AFF1: variants seen among roughly 807,000 people sequenced by gnomAD.
AFF1 encodes ALF transcription elongation factor 1, also known as AF4/FMR2 family member 1.
A neutral mutation model predicts 121.7 loss-of-function variants in AFF1; 48 were observed. That is an observed-to-expected ratio of 0.39 (90% confidence interval 0.31 to 0.50). AFF1 has a LOEUF of 0.50. Among genes scored for constraint, AFF1 ranks in the 20% least tolerant of loss-of-function variants. AFF1 has a pLI of 0.76. For missense variants in AFF1, 1,523 were observed against 1,511.7 expected (o/e 1.01, Z -0.12); for synonymous variants, 613 against 563.0 (o/e 1.09, Z -1.26).
chr4:86,995,662 C>CA (rs1351062845), intron 2 of AFF1, among the ~76,000 whole-genome samples: 4 of 150,978 alleles, frequency 2.6e-5, no homozygotes, highest in Admixed American at 6.6e-5. Context: ...CGGCTCGCTA[C>CA]AACCTCCACC....
chr4:87,005,904 A>G (rs755002104), intron 2 of AFF1, among the ~76,000 whole-genome samples: 2 of 152,230 alleles, frequency 1.3e-5, no homozygotes, highest in Non-Finnish European at 2.9e-5. Flanking sequence ...CAGTTTCCCC[A>G]TAATTGCTTT....
At chr4:86,965,505 C>CCT (rs1021187211) in intron 2 of AFF1, among the ~76,000 whole-genome samples, 1 of 152,136 alleles carries the variant, frequency 6.6e-6, no homozygotes, top group Admixed American at 6.5e-5. Flanking sequence ...GGGAATTCCC[C>CCT]CTCTTCATTT....
rs1184205241 is a variant in AFF1 at position 86,936,932 on chromosome 4, A to AT, written c.-37+1697dup. ...TAGAGAAACTCACTGGAATTAAGCC[A>AT]TTTTTATGGAGAGAAAGAACCAAGG... is the stretch of plus-strand genomic sequence containing the variant. On this transcript the variant is annotated intron_variant, in intron 1 of 20. Transcript: ENST00000395146. Among the ~76,000 whole-genome samples the AT allele has an allele frequency of 2.0e-5, 3 of 152,256 alleles. No individual in the cohort carries two copies. In the East Asian group the frequency reaches 5.8e-4, roughly 29 times the overall value.
chr4:87,009,283 G>C (rs1726484314), intron 2 of AFF1, among the ~76,000 whole-genome samples: 1 of 152,196 alleles, frequency 6.6e-6, no homozygotes, highest in African/African-American at 2.4e-5. Flanking sequence ...CACAAAGGTG[G>C]AGCAACGCCT....
chr4:87,079,299 AAC>A (rs1423763895), intron 4 of AFF1, among the ~76,000 whole-genome samples: 1 of 152,200 alleles, frequency 6.6e-6, no homozygotes, highest in African/African-American at 2.4e-5. Context: ...AGCTTATTAA[AAC>A]AAACTGTCAT....
intron 2 of AFF1, among the ~76,000 whole-genome samples, chr4:86,958,105 T>C (rs1349280398): frequency 2.0e-5 from 3 of 146,980 alleles, no homozygotes; most frequent in African/African-American, 5.0e-5. Flanking sequence ...TTTTTTTTTT[T>C]TTTTTGAAAC....
At position 87,105,597 on chromosome 4, in the gene AFF1, T is replaced by G. The variant is rs760367801; in HGVS notation, c.1284-31T>G. 3.7e-5 allele frequency: 60 copies of G among 1,613,268 alleles called. 2 individuals are homozygous for G. The Middle Eastern group carries it at 6.4e-3, about 173-fold the overall frequency. ...AAAGTTGTTAGAAATCATTTCACAT[T>G]CATTCTTCTCTGTGTCCCTGCCCAT... On this transcript the variant is annotated intron_variant, in intron 8 of 20. Transcript: ENST00000395146.
intron 4 of AFF1, among the ~76,000 whole-genome samples, chr4:87,059,790 G>A (rs945608657): frequency 6.6e-6 from 1 of 152,166 alleles, no homozygotes; most frequent in Non-Finnish European, 1.5e-5. Flanking sequence ...GCCCAGGCCC[G>A]AGTTTCAGCA....
chr4:86,983,840 A>G (rs1187198977), intron 2 of AFF1, among the ~76,000 whole-genome samples: 1 of 152,104 alleles, frequency 6.6e-6, no homozygotes, highest in Non-Finnish European at 1.5e-5. Context: ...GATCGAGACC[A>G]TCCTGGCCAA....
At chr4:86,951,047 C>G (rs113458767) in intron 2 of AFF1, among the ~76,000 whole-genome samples, 3 of 152,166 alleles carry the variant, frequency 2.0e-5, no homozygotes, top group Non-Finnish European at 4.4e-5. Flanking sequence ...TTTGGTTAGC[C>G]TGTCACGGAA....
At chr4:87,080,776 G>T (rs771119441) in intron 4 of AFF1, among the ~76,000 whole-genome samples, 94 of 152,354 alleles carry the variant, frequency 6.2e-4, no homozygotes, top group Non-Finnish European at 1.3e-3. Flanking sequence ...AGACGAGGCA[G>T]CCTGTCCTTG....
chr4:87,080,622 C>T (rs1723069175), intron 4 of AFF1, among the ~76,000 whole-genome samples: 1 of 152,150 alleles, frequency 6.6e-6, no homozygotes, highest in Admixed American at 6.5e-5. Context: ...ATGACTTGAG[C>T]CCAGGCCAGC....
chr4:87,029,779 A>G (rs1389576464), intron 2 of AFF1, among the ~76,000 whole-genome samples: 1 of 152,176 alleles, frequency 6.6e-6, no homozygotes, highest in Admixed American at 6.5e-5. Context: ...GTGGTTTCAT[A>G]CCTCATGGGT....
chr4:87,063,222 T>A (rs977067233), intron 4 of AFF1, among the ~76,000 whole-genome samples: 2 of 138,148 alleles, frequency 1.4e-5, no homozygotes, highest in Non-Finnish European at 3.1e-5. Flanking sequence ...CATAGTAGAT[T>A]CACCTCTTTT....
At chr4:87,040,522 A>G (rs534195241) in intron 2 of AFF1, among the ~76,000 whole-genome samples, 27 of 151,088 alleles carry the variant, frequency 1.8e-4, no homozygotes, top group African/African-American at 6.3e-4. Flanking sequence ...GCATTGGTGA[A>G]TGTTCAGGTC....
chr4:87,020,159 A>G (rs1193117460), intron 2 of AFF1, among the ~76,000 whole-genome samples: 1 of 152,206 alleles, frequency 6.6e-6, no homozygotes, highest in Non-Finnish European at 1.5e-5. Flanking sequence ...TCACAGCTAT[A>G]TTTAATTACA....
intron 2 of AFF1, among the ~76,000 whole-genome samples, chr4:87,026,326 G>C (rs1351363761): frequency 6.6e-6 from 1 of 152,158 alleles, no homozygotes; most frequent in East Asian, 1.9e-4. Flanking sequence ...TTGAACCCTT[G>C]ACTTCAAGCG....
At chr4:86,996,042 C>A (rs1183639783) in intron 2 of AFF1, among the ~76,000 whole-genome samples, 1 of 151,084 alleles carries the variant, frequency 6.6e-6, no homozygotes, top group African/African-American at 2.4e-5. Context: ...CCAGCAGCCA[C>A]CCCGTCTGGG....
chr4:86,948,647 T>G, intron 2 of AFF1, 76 bp downstream of exon 2: 3 of 1,427,854 alleles, frequency 2.1e-6, no homozygotes, highest in Non-Finnish European at 2.8e-6. Flanking sequence ...ATAAGTTTGG[T>G]CTTTTTCAAT....
Sources: gnomAD v4.1 joint callset for allele counts (sites outside exome capture counted in the v4.1 genomes callset) on GRCh38, gnomAD v4.1.1 for gene constraint, MANE v1.5 for transcripts, NCBI Gene and HGNC (gene_info 2026-07-23, HGNC 2026-07-21) for gene names.